AKAP7: variants seen among roughly 807,000 people sequenced by gnomAD.
AKAP7 encodes A kinase (PRKA) anchor protein 7.
In AKAP7, 39 loss-of-function variants were observed where a neutral mutation model predicts 39.5. That is an observed-to-expected ratio of 0.99 (90% CI 0.76 to 1.29). The LOEUF is 1.29. Ranked by LOEUF, AKAP7 falls within the 50% of genes most tolerant of loss-of-function variation. The pLI, the probability that AKAP7 is intolerant of heterozygous loss-of-function variation, is 0.00. For synonymous variants in AKAP7, 140 were observed against 139.1 expected (o/e 1.01, Z -0.05); for missense variants, 414 against 407.7 (o/e 1.02, Z -0.13).
rs182370440 is a variant in AKAP7 at position 131,139,929 on chromosome 6, G to A, written c.19+4147G>A. Among the ~76,000 whole-genome samples, 13 of 152,324 alleles carry A rather than the reference G, an allele frequency of 8.5e-5. No individual in the cohort carries two copies. In the East Asian group the frequency reaches 2.5e-3, roughly 29 times the overall value. Reference sequence around the variant, plus strand: ...GACATGTATAACATAAAGTATACATGCAGTGATTGGAGGAAGCACTAGGTG... The same window carrying A: ...GACATGTATAACATAAAGTATACATACAGTGATTGGAGGAAGCACTAGGTG... On this transcript the variant is annotated intron_variant, in intron 1 of 7. Coordinates refer to ENST00000431975, the MANE Select transcript of AKAP7 (RefSeq NM_016377.4).
intron 5 of AKAP7, among the ~76,000 whole-genome samples, chr6:131,171,028 G>A (rs376120415): frequency 6.6e-6 from 1 of 152,046 alleles, no homozygotes; most frequent in Non-Finnish European, 1.5e-5. Flanking sequence ...TTTAGCAAAG[G>A]TTTTTATAAA....
At chr6:131,169,048 T>C in intron 4 of AKAP7, 65 bp from the exon 5 acceptor site, 1 of 1,363,330 alleles carries the variant, frequency 7.3e-7, no homozygotes, top group Non-Finnish European at 1.0e-6. Context: ...GTACTTTGTA[T>C]CTTATTTGGT....
intron 2 of AKAP7, among the ~76,000 whole-genome samples, chr6:131,158,216 GT>G (rs1197185118): frequency 6.6e-6 from 1 of 152,176 alleles, no homozygotes; most frequent in Non-Finnish European, 1.5e-5. Flanking sequence ...CAGTAGCAAA[GT>G]TTTTCTGCTT....
rs536979643 is a variant in AKAP7, at chr6:131,137,058, A to T, written c.19+1276A>T. 3.9e-5 allele frequency among the ~76,000 whole-genome samples: 6 copies of T among 152,010 alleles called. No individual in the cohort carries two copies. In the East Asian group the frequency reaches 1.2e-3, roughly 30 times the overall value. On this transcript the variant is annotated intron_variant, in intron 1 of 7. Coordinates refer to ENST00000431975, the MANE Select transcript of AKAP7 (RefSeq NM_016377.4). ...CTCACTGCAGCCTAGATCGGCTGGGATCATGCCAACCTCCTGTTTCAGCCT... is the reference window on the plus strand; with the variant it reads ...CTCACTGCAGCCTAGATCGGCTGGGTTCATGCCAACCTCCTGTTTCAGCCT...
At chr6:131,228,348 T>C (rs1161306262) in intron 7 of AKAP7, among the ~76,000 whole-genome samples, 1 of 152,210 alleles carries the variant, frequency 6.6e-6, no homozygotes, top group African/African-American at 2.4e-5. Context: ...TTAAATCCAA[T>C]ATGCTCACTT....
At chr6:131,178,488 G>A (rs190728296) in intron 5 of AKAP7, among the ~76,000 whole-genome samples, 3 of 152,052 alleles carry the variant, frequency 2.0e-5, no homozygotes, top group African/African-American at 7.2e-5. Context: ...CTTCTTTGAC[G>A]TTAGCATCCT....
chr6:131,260,378 A>C (rs1351529107), intron 7 of AKAP7, among the ~76,000 whole-genome samples: 1 of 152,166 alleles, frequency 6.6e-6, no homozygotes, highest in African/African-American at 2.4e-5. Context: ...AGGAATCTCC[A>C]CACTGTCTTC....
At chr6:131,184,807 T>G in intron 5 of AKAP7, 2 of 1,457,250 alleles carry the variant, frequency 1.4e-6, no homozygotes, top group South Asian at 2.3e-5. Context: ...CAAGTGAGAG[T>G]GGGCATAGTG....
intron 5 of AKAP7, among the ~76,000 whole-genome samples, chr6:131,188,205 GT>G (rs1306991498): frequency 2.0e-5 from 3 of 146,546 alleles, no homozygotes; most frequent in African/African-American, 2.6e-5. Flanking sequence ...ATTGAAGTTG[GT>G]TTCAGCATTA....
chr6:131,257,065 A>G (rs1812926860), intron 7 of AKAP7, among the ~76,000 whole-genome samples: 2 of 152,022 alleles, frequency 1.3e-5, no homozygotes, highest in Admixed American at 1.3e-4. Context: ...CTTCTCTAAG[A>G]TTTTTTTCTG....
At chr6:131,253,039 G>T in intron 7 of AKAP7, 1 of 1,613,426 alleles carries the variant, frequency 6.2e-7, no homozygotes, top group Non-Finnish European at 8.5e-7. Flanking sequence ...AAACACAGGT[G>T]AGTTGGAAAG....
chr6:131,204,264 T>G (rs959409118), intron 6 of AKAP7, among the ~76,000 whole-genome samples: 1 of 152,130 alleles, frequency 6.6e-6, no homozygotes, highest in African/African-American at 2.4e-5. Flanking sequence ...AGGGAAATAA[T>G]AGAAATAACT....
chr6:131,261,954 C>G (rs1813384026), intron 7 of AKAP7, among the ~76,000 whole-genome samples: 3 of 152,052 alleles, frequency 2.0e-5, no homozygotes, highest in Admixed American at 1.3e-4. Context: ...AACTTTTAGG[C>G]TGGGTTACTT....
At chr6:131,203,869 T>G (rs773435356) in intron 6 of AKAP7, among the ~76,000 whole-genome samples, 1 of 152,180 alleles carries the variant, frequency 6.6e-6, no homozygotes, top group African/African-American at 2.4e-5. Flanking sequence ...ATGAACTTCC[T>G]TGTTCACTTT....
At chr6:131,210,857 C>A (rs1808580362) in intron 6 of AKAP7, among the ~76,000 whole-genome samples, 1 of 152,122 alleles carries the variant, frequency 6.6e-6, no homozygotes, top group Non-Finnish European at 1.5e-5. Context: ...ACTTGGTCCC[C>A]TTGGATCCCA....
chr6:131,190,513 G>A (rs967865502), intron 5 of AKAP7, among the ~76,000 whole-genome samples: 3 of 151,744 alleles, frequency 2.0e-5, no homozygotes, highest in Admixed American at 6.6e-5. Context: ...ATGGTGGTGC[G>A]TGCCTGTAAT....
chr6:131,270,281 A>G (rs1360318415), intron 7 of AKAP7, among the ~76,000 whole-genome samples: 1 of 152,176 alleles, frequency 6.6e-6, no homozygotes, highest in Non-Finnish European at 1.5e-5. Flanking sequence ...TTTGCAGTCT[A>G]GTTTTGCCTT....
intron 2 of AKAP7, among the ~76,000 whole-genome samples, chr6:131,158,795 C>T (rs1008255957): frequency 1.3e-5 from 2 of 152,040 alleles, no homozygotes; most frequent in African/African-American, 4.8e-5. Flanking sequence ...GTGTGAGCCA[C>T]CATGCCCTGC....
At chr6:131,219,584 T>G in intron 6 of AKAP7, 77 bp from the exon 7 acceptor site, 1 of 1,330,562 alleles carries the variant, frequency 7.5e-7, no homozygotes, top group Non-Finnish European at 1.0e-6. Context: ...ATAATCAGGT[T>G]CAAAGAAAGT....
Sources: allele counts gnomAD v4.1 joint callset (sites outside exome capture counted in the v4.1 genomes callset), GRCh38; gene constraint gnomAD v4.1.1; transcripts MANE v1.5; gene names NCBI Gene and HGNC (gene_info 2026-07-23, HGNC 2026-07-21).